Variants in GRIP1 observed in about 807,000 individuals in gnomAD.
GRIP1 encodes glutamate receptor-interacting protein 1.
GRIP1 carries 45 observed loss-of-function variants against 129.9 expected under a neutral mutation model. The observed-to-expected ratio is 0.35, with a 90% CI of 0.27 to 0.44. GRIP1 has a LOEUF of 0.44. GRIP1 is among the 20% of genes least tolerant of loss of function. The probability of loss-of-function intolerance (pLI) is 1.00; values close to 1 mark genes in which losing one functional copy is unlikely to be tolerated. For synonymous variants in GRIP1, 530 were observed against 520.8 expected (o/e 1.02, Z -0.24); for missense variants, 1,196 against 1,396.8 (o/e 0.86, Z 2.29).
At chr12:66,722,688 T>C (rs955334984) in intron 1 of GRIP1, among the ~76,000 whole-genome samples, 3 of 152,182 alleles carry the variant, frequency 2.0e-5, no homozygotes, top group African/African-American at 7.2e-5. Flanking sequence ...GATGCCTGTA[T>C]GTAGCTTCTG....
At chr12:66,429,381 G>T (rs2058078943) in intron 14 of GRIP1, among the ~76,000 whole-genome samples, 1 of 152,170 alleles carries the variant, frequency 6.6e-6, no homozygotes, top group African/African-American at 2.4e-5. Flanking sequence ...GTTGGCACTA[G>T]ATTTTGTGGG....
intron 1 of GRIP1, among the ~76,000 whole-genome samples, chr12:67,041,964 C>T (rs2043187421): frequency 6.6e-6 from 1 of 152,152 alleles, no homozygotes; most frequent in Admixed American, 6.5e-5. Flanking sequence ...CCTTAATCCC[C>T]ATTTTAACAG....
At chr12:66,754,009 ACATGGT>A (rs1212117174) in intron 1 of GRIP1, among the ~76,000 whole-genome samples, 1 of 152,240 alleles carries the variant, frequency 6.6e-6, no homozygotes, top group African/African-American at 2.4e-5. Flanking sequence ...CCTTGGATAA[ACATGGT>A]TCATTTTTTC....
At chr12:66,574,847 G>A (rs983913491) in intron 2 of GRIP1, among the ~76,000 whole-genome samples, 4 of 150,226 alleles carry the variant, frequency 2.7e-5, no homozygotes, top group African/African-American at 9.8e-5. Flanking sequence ...GTGCAGTGGT[G>A]TGATCTCAGC....
At chr12:66,391,120 G>A (rs578020750) in intron 19 of GRIP1, among the ~76,000 whole-genome samples, 3 of 152,258 alleles carry the variant, frequency 2.0e-5, no homozygotes, top group African/African-American at 7.2e-5. Flanking sequence ...AGGAAACTAG[G>A]AAAACCAGGA....
At chr12:66,407,666 G>C (rs888828350) in intron 15 of GRIP1, among the ~76,000 whole-genome samples, 1 of 152,200 alleles carries the variant, frequency 6.6e-6, no homozygotes, top group African/African-American at 2.4e-5. Context: ...CTAGGCAGAG[G>C]GGAATCACCC....
At chr12:66,573,398 T>C (rs914928055) in intron 2 of GRIP1, among the ~76,000 whole-genome samples, 2 of 152,208 alleles carry the variant, frequency 1.3e-5, no homozygotes, top group African/African-American at 4.8e-5. Flanking sequence ...TGTGGGATAA[T>C]AAACGTGTAT....
rs565715026 is a variant in GRIP1, at chr12:66,377,122, C to CA, written c.2733+51dup. On this transcript the variant is annotated intron_variant, in intron 21 of 24. Coordinates refer to ENST00000359742, the MANE Select transcript of GRIP1 (RefSeq NM_001366722.1). ...GTGAGAAATGCAAACTTAAAAGGAC[C>CA]AAAAAAAATGAATGTAGAAACAATA... is the stretch of plus-strand genomic sequence containing the variant. 1.1e-4 allele frequency: 167 copies of CA among 1,561,470 alleles called. 1 individual carries two copies. The Middle Eastern group carries it at 2.2e-3, about 20-fold the overall frequency.
chr12:66,828,143 CTTAAT>C (rs1478216919), intron 1 of GRIP1, among the ~76,000 whole-genome samples: 3 of 152,174 alleles, frequency 2.0e-5, no homozygotes, highest in African/African-American at 4.8e-5. Flanking sequence ...ATTATTTTAT[CTTAAT>C]TTAACATTCA....
At chr12:66,641,832 A>G (rs1196607238) in intron 1 of GRIP1, among the ~76,000 whole-genome samples, 1 of 152,220 alleles carries the variant, frequency 6.6e-6, no homozygotes, top group Non-Finnish European at 1.5e-5. Context: ...TGTTCAGATC[A>G]TGTTCCTACT....
intron 2 of GRIP1, among the ~76,000 whole-genome samples, chr12:66,556,372 C>A (rs1340058198): frequency 6.6e-6 from 1 of 151,992 alleles, no homozygotes; most frequent in Non-Finnish European, 1.5e-5. Flanking sequence ...CCTTCCTAGA[C>A]AAACAAAAGC....
intron 20 of GRIP1, 137 bp from the exon 21 acceptor site, chr12:66,377,422 G>A: frequency 5.8e-6 from 4 of 692,870 alleles, no homozygotes; most frequent in South Asian, 1.5e-5. Flanking sequence ...CCGCCTCCCG[G>A]GTTCACACCA....
At chr12:66,828,402 C>G (rs1034455025) in intron 1 of GRIP1, among the ~76,000 whole-genome samples, 1 of 152,150 alleles carries the variant, frequency 6.6e-6, no homozygotes, top group Non-Finnish European at 1.5e-5. Flanking sequence ...TACCCTACTG[C>G]CATACAGTAC....
At chr12:66,985,928 G>C (rs888253372) in intron 1 of GRIP1, among the ~76,000 whole-genome samples, 4 of 152,176 alleles carry the variant, frequency 2.6e-5, no homozygotes, top group African/African-American at 7.2e-5. Flanking sequence ...GTACTTAGTA[G>C]TTTTGTGTCT....
intron 1 of GRIP1, among the ~76,000 whole-genome samples, chr12:66,715,540 C>A (rs1447693634): frequency 6.7e-6 from 1 of 149,632 alleles, no homozygotes; most frequent in Non-Finnish European, 1.5e-5. Context: ...CTAGATTAAA[C>A]ACTGTGGGCA....
At chr12:66,547,902 T>C (rs1038754202) in intron 2 of GRIP1, among the ~76,000 whole-genome samples, 3 of 152,208 alleles carry the variant, frequency 2.0e-5, no homozygotes, top group African/African-American at 7.2e-5. Flanking sequence ...GATATTTCTA[T>C]TGGGGAAAAC....
At chr12:66,938,480 G>T (rs2041524490) in intron 1 of GRIP1, among the ~76,000 whole-genome samples, 1 of 152,094 alleles carries the variant, frequency 6.6e-6, no homozygotes, top group South Asian at 2.1e-4. Flanking sequence ...ACCACCAATA[G>T]AAAATTCTAA....
chr12:66,898,380 T>C (rs2040787758), intron 1 of GRIP1, among the ~76,000 whole-genome samples: 1 of 152,196 alleles, frequency 6.6e-6, no homozygotes, highest in Non-Finnish European at 1.5e-5. Flanking sequence ...GTGTCCTCGA[T>C]GGGGAGAGAG....
intron 1 of GRIP1, among the ~76,000 whole-genome samples, chr12:66,665,391 G>C (rs1041271242): frequency 1.3e-5 from 2 of 152,152 alleles, no homozygotes; most frequent in Non-Finnish European, 2.9e-5. Flanking sequence ...TTTTCAGAAA[G>C]TGAACATACC....
Sources: gnomAD v4.1 joint callset for allele counts (sites outside exome capture counted in the v4.1 genomes callset) on GRCh38, gnomAD v4.1.1 for gene constraint, MANE v1.5 for transcripts, NCBI Gene and HGNC (gene_info 2026-07-23, HGNC 2026-07-21) for gene names.